LRRC7: variants seen among roughly 807,000 people sequenced by gnomAD.
LRRC7 encodes the protein leucine rich repeat containing 7.
A neutral mutation model predicts 175.7 loss-of-function variants in LRRC7; 23 were observed. That is an observed-to-expected ratio of 0.13 (90% CI 0.09 to 0.19). LRRC7 has a LOEUF of 0.19. LRRC7 is among the 10% of genes least tolerant of loss of function. The pLI is 1.00. For missense variants in LRRC7, 1,354 were observed against 1,904.7 expected, an observed-to-expected ratio of 0.71 and a Z score of 5.38; for synonymous variants, 685 against 680.9, an observed-to-expected ratio of 1.01 and a Z score of -0.09.
rs181974641 is a variant in LRRC7 at position 69,921,522 on chromosome 1, A to G, written c.648-9985A>G. 2.0e-5 allele frequency among the ~76,000 whole-genome samples: 3 copies of G among 152,216 alleles called. No homozygotes were observed. The East Asian group carries it at 5.8e-4, about 29-fold the overall frequency. Reference sequence around the variant, plus strand: ...TATCTTTAATTTTTTCCTCTCCTTTACATCTGACATCCAATCAGTCATCAT... The same window carrying G: ...TATCTTTAATTTTTTCCTCTCCTTTGCATCTGACATCCAATCAGTCATCAT... On this transcript the variant is annotated intron_variant, in intron 7 of 26. Coordinates refer to ENST00000651989, the MANE Select transcript of LRRC7 (RefSeq NM_001370785.2).
At chr1:69,707,941 G>A (rs967469800) in intron 2 of LRRC7, among the ~76,000 whole-genome samples, 29 of 152,208 alleles carry the variant, frequency 1.9e-4, no homozygotes, top group African/African-American at 6.0e-4. Flanking sequence ...TGGTTCTAAC[G>A]GGTGGTATAA....
chr1:69,737,625 C>T (rs71651427), intron 2 of LRRC7, among the ~76,000 whole-genome samples: 5,003 of 152,160 alleles, frequency 0.033, 95 homozygotes, highest in African/African-American at 0.053. Flanking sequence ...GTCCAATTCC[C>T]TGCTTTCCCA....
rs267598705 is a variant in LRRC7, at chr1:70,028,221, G to T, written c.1845G>T (p.Lys615Asn). 6.2e-7 allele frequency: 1 copy of T among 1,613,752 alleles called. No individual in the cohort carries two copies. The highest frequency in any genetic ancestry group is 8.5e-7 in the Non-Finnish European group (1 of 1,179,736). ...CAACTCCTTACCCAGAGGATTTAAA[G>T]AATATGGTAAAATCTGTTCAAAATT... ...RYPTPYPEDL[K>N]NMVKSVQNLV... Residue 615 changes from lysine (K) to asparagine (N), a missense_variant, in exon 18 of 27, where the codon AAG becomes AAT. Lys to Asn is a moderately conservative substitution (Grantham distance 94). Transcript: ENST00000651989.
intron 2 of LRRC7, among the ~76,000 whole-genome samples, chr1:69,685,479 T>C (rs1200324974): frequency 1.3e-5 from 2 of 151,790 alleles, no homozygotes; most frequent in East Asian, 1.9e-4. Flanking sequence ...TTATATAATC[T>C]CTTGAAACAA....
intron 8 of LRRC7, among the ~76,000 whole-genome samples, chr1:69,939,102 G>T (rs1269218232): frequency 6.8e-6 from 1 of 146,554 alleles, no homozygotes; most frequent in Non-Finnish European, 1.5e-5. Flanking sequence ...CTTGAAAAAT[G>T]AAACTTATTT....
Position 69,853,693 on chromosome 1 carries a change from C to T in LRRC7, c.647+15410C>T, listed in dbSNP as rs369654391. Among the ~76,000 whole-genome samples, 4 of 152,248 alleles carry T rather than the reference C, an allele frequency of 2.6e-5. No homozygotes were observed. In the East Asian group the frequency reaches 7.7e-4, roughly 29 times the overall value. The stretch of plus-strand genomic sequence containing the variant: ...AGTCTAATGCAAGATGAAGGCAGAG[C>T]TAAACTCAGCAAATGGTAGGAGAAA... On this transcript the variant is annotated intron_variant, in intron 7 of 26. Coordinates refer to ENST00000651989, the MANE Select transcript of LRRC7 (RefSeq NM_001370785.2).
chr1:69,709,662 T>C (rs1664496196), intron 2 of LRRC7, among the ~76,000 whole-genome samples: 2 of 152,326 alleles, frequency 1.3e-5, no homozygotes, highest in South Asian at 4.1e-4. Context: ...ACAGAATCAT[T>C]ATCAAGATTT....
intron 7 of LRRC7, among the ~76,000 whole-genome samples, chr1:69,887,733 C>T (rs1243221698): frequency 7.3e-5 from 11 of 149,784 alleles, no homozygotes; most frequent in Non-Finnish European, 1.3e-4. Context: ...TCTGTTTTTT[C>T]CCCATCTTTG....
rs549395066 is a variant in LRRC7, at chr1:69,839,543, T to G, written c.647+1260T>G. 3.9e-5 allele frequency among the ~76,000 whole-genome samples: 6 copies of G among 152,038 alleles called. No homozygotes were observed. The East Asian group carries it at 9.7e-4, about 24-fold the overall frequency. ...CATTCAAGTGGAAATTTCCTGCAAA[T>G]GCAGCTAGTGCCACTGAGTCCATCC... On this transcript the variant is annotated intron_variant, in intron 7 of 26. Coordinates refer to ENST00000651989, the MANE Select transcript of LRRC7 (RefSeq NM_001370785.2).
chr1:69,888,506 A>C (rs1460684183), intron 7 of LRRC7, among the ~76,000 whole-genome samples: 1 of 151,836 alleles, frequency 6.6e-6, no homozygotes, highest in African/African-American at 2.4e-5. Context: ...ACTGACCTGC[A>C]CCCACTGTCT....
At chr1:70,109,683 T>C (rs1257186030) in intron 26 of LRRC7, among the ~76,000 whole-genome samples, 1 of 152,216 alleles carries the variant, frequency 6.6e-6, no homozygotes, top group Non-Finnish European at 1.5e-5. Context: ...GCTGTTTATA[T>C]TATATCTGAA....
rs144183462 is a variant in LRRC7 at position 69,601,599 on chromosome 1, C to T, written c.2+32958C>T. Among the ~76,000 whole-genome samples, 1,499 of 152,220 alleles carry T rather than the reference C, an allele frequency of 9.8e-3. 14 individuals carry two copies. The highest frequency in any genetic ancestry group is 0.031 in the Middle Eastern group (9 of 294). On this transcript the variant is annotated intron_variant, in intron 1 of 26. Transcript: ENST00000651989. The stretch of plus-strand genomic sequence containing the variant: ...TTTTCATTTACAAAGTTACTTAGAT[C>T]GTATTTTTCCCCAGTTAATAATGCC...
chr1:69,924,010 T>G (rs1646976170), intron 7 of LRRC7, among the ~76,000 whole-genome samples: 3 of 152,170 alleles, frequency 2.0e-5, no homozygotes. Context: ...CAGTTTCAGC[T>G]TTCTACATAT....
chr1:70,120,929 TTAA>T (rs1012314747), intron 26 of LRRC7, among the ~76,000 whole-genome samples: 5 of 152,086 alleles, frequency 3.3e-5, no homozygotes, highest in Non-Finnish European at 7.4e-5. Flanking sequence ...TCTTTCTGTA[TTAA>T]TAATAAAAAT....
At chr1:69,859,319 GACAGTAAGT>G (rs1684107041) in intron 7 of LRRC7, among the ~76,000 whole-genome samples, 1 of 152,090 alleles carries the variant, frequency 6.6e-6, no homozygotes, top group Admixed American at 6.6e-5. Flanking sequence ...TCATTTTGAA[GACAGTAAGT>G]ACATGCATCA....
chr1:69,860,298 C>A (rs1570378566), intron 7 of LRRC7, among the ~76,000 whole-genome samples: 1 of 151,650 alleles, frequency 6.6e-6, no homozygotes, highest in Non-Finnish European at 1.5e-5. Flanking sequence ...TACTAAAGTA[C>A]TTTATATGTA....
chr1:69,691,797 C>CAA (rs57676937), intron 2 of LRRC7, among the ~76,000 whole-genome samples: 337 of 84,718 alleles, frequency 4.0e-3, no homozygotes, highest in Non-Finnish European at 4.6e-3. Flanking sequence ...GACCCTGTCT[C>CAA]AAAAAAAAAA....
intron 4 of LRRC7, among the ~76,000 whole-genome samples, chr1:69,804,824 A>G (rs968479757): frequency 4.6e-5 from 7 of 151,668 alleles, no homozygotes; most frequent in Non-Finnish European, 1.0e-4. Flanking sequence ...TAGTCCATGC[A>G]TGTTTGTGGA....
At chr1:69,680,107 G>A (rs1021631866) in intron 2 of LRRC7, among the ~76,000 whole-genome samples, 3 of 151,998 alleles carry the variant, frequency 2.0e-5, no homozygotes, top group Non-Finnish European at 2.9e-5. Flanking sequence ...GTGATCTCCA[G>A]GCTAAGAGCA....
Sources: gnomAD v4.1 joint callset for allele counts (sites outside exome capture counted in the v4.1 genomes callset) on GRCh38, gnomAD v4.1.1 for gene constraint, MANE v1.5 for transcripts, NCBI Gene and HGNC (gene_info 2026-07-23, HGNC 2026-07-21) for gene names.